LRRC4C: variants seen among roughly 807,000 people sequenced by gnomAD.
LRRC4C encodes the protein leucine-rich repeat-containing protein 4C.
Under a neutral mutation model 33.6 loss-of-function variants are expected in LRRC4C, and 5 were observed. The ratio of observed to expected loss-of-function variants is 0.15; its 90% CI spans 0.08 to 0.31. LRRC4C has a LOEUF of 0.31. Ranked by LOEUF, LRRC4C falls within the 10% of genes least tolerant of loss-of-function variation. The pLI, the probability that LRRC4C is intolerant of heterozygous loss-of-function variation, is 1.00. For synonymous variants in LRRC4C, 329 were observed against 302.0 expected (o/e 1.09, Z -0.93); for missense variants, 560 against 796.7 (o/e 0.70, Z 3.58).
intron 1 of LRRC4C, among the ~76,000 whole-genome samples, chr11:41,070,275 A>T (rs947168307): frequency 1.3e-5 from 2 of 152,128 alleles, no homozygotes; most frequent in Non-Finnish European, 2.9e-5. Flanking sequence ...CTCAAGATGG[A>T]TTAACAACTT....
intron 1 of LRRC4C, among the ~76,000 whole-genome samples, chr11:41,442,614 C>T (rs1955669470): frequency 6.6e-6 from 1 of 151,296 alleles, no homozygotes; most frequent in Non-Finnish European, 1.5e-5. Context: ...GGACTACAGG[C>T]GCCCATCACC....
rs911618469 is a variant in LRRC4C at position 40,392,510 on chromosome 11, AAAAT to A, written c.-269-72793_-269-72790del. Among the ~76,000 whole-genome samples the A allele has an allele frequency of 6.6e-4, 101 of 152,188 alleles. 1 individual carries two copies. Among genetic ancestry groups the A allele is most frequent in the South Asian group, 1.0e-3 (5 of 4,824 alleles). On this transcript the variant is annotated intron_variant, in intron 3 of 6. Transcript: ENST00000528697. ...TAAAAATAATGTCTATTAATTTTTT[AAAAT>A]AAATAAGTTATTTAATTAAAAAATT...
intron 1 of LRRC4C, among the ~76,000 whole-genome samples, chr11:41,072,914 G>A (rs948315418): frequency 6.6e-6 from 1 of 151,966 alleles, no homozygotes; most frequent in Non-Finnish European, 1.5e-5. Flanking sequence ...AATTATTTCA[G>A]GAATTTTTTA....
intron 2 of LRRC4C, among the ~76,000 whole-genome samples, chr11:40,904,695 G>A (rs184045519): frequency 1.3e-4 from 20 of 152,136 alleles, no homozygotes; most frequent in African/African-American, 4.8e-4. Flanking sequence ...TGCAGGTTAG[G>A]CACCATTCTC....
Position 40,759,074 on chromosome 11 carries a change from G to T in LRRC4C, c.-406-110796C>A, listed in dbSNP as rs149458270. 3.4e-3 allele frequency among the ~76,000 whole-genome samples: 498 copies of T among 147,422 alleles called. 5 individuals are homozygous for T. The highest frequency in any genetic ancestry group is 0.012 in the African/African-American group (469 of 40,560). ...ATTTATATGGAAGATAGTGGACACA[G>T]TTTACATATATTATTATATATATAA... On this transcript the variant is annotated intron_variant, in intron 2 of 6. Coordinates refer to ENST00000528697, the MANE Select transcript of LRRC4C (RefSeq NM_001258419.2).
chr11:40,562,915 C>T (rs1036098758), intron 3 of LRRC4C, among the ~76,000 whole-genome samples: 1 of 151,914 alleles, frequency 6.6e-6, no homozygotes, highest in Non-Finnish European at 1.5e-5. Flanking sequence ...GCTCTTTCTA[C>T]TCGATCATCA....
intron 1 of LRRC4C, among the ~76,000 whole-genome samples, chr11:41,446,914 A>G (rs2138598836): frequency 6.6e-6 from 1 of 152,318 alleles, no homozygotes; most frequent in East Asian, 1.9e-4. Context: ...TAAAGTCCTT[A>G]CAGAGTAAAG....
At chr11:40,134,769 T>C (rs61465352) in intron 6 of LRRC4C, among the ~76,000 whole-genome samples, 10,532 of 152,322 alleles carry the variant, frequency 0.069, 427 homozygotes, top group East Asian at 0.19. Flanking sequence ...CCATGATTCC[T>C]GACCTGTCAT....
At chr11:41,406,378 TC>T (rs1360877906) in intron 1 of LRRC4C, among the ~76,000 whole-genome samples, 1 of 152,188 alleles carries the variant, frequency 6.6e-6, no homozygotes, top group Non-Finnish European at 1.5e-5. Context: ...GACCTTTTTC[TC>T]TCTTGGCTTG....
chr11:41,399,470 G>T (rs1953945627), intron 1 of LRRC4C, among the ~76,000 whole-genome samples: 1 of 151,886 alleles, frequency 6.6e-6, no homozygotes, highest in South Asian at 2.1e-4. Flanking sequence ...GAGAAAAATT[G>T]CCTTTAGAAT....
chr11:40,341,249 A>T (rs1946851419), intron 3 of LRRC4C, among the ~76,000 whole-genome samples: 1 of 152,046 alleles, frequency 6.6e-6, no homozygotes, highest in Non-Finnish European at 1.5e-5. Context: ...AAAGGACATG[A>T]ACTCATCATT....
Position 41,248,209 on chromosome 11 carries a change from C to T in LRRC4C, c.-496+211222G>A, listed in dbSNP as rs116910220. Among the ~76,000 whole-genome samples, 419 of 152,278 alleles carry T rather than the reference C, an allele frequency of 2.8e-3. 6 individuals are homozygous for T. Among genetic ancestry groups the T allele is most frequent in the East Asian group, 0.014 (73 of 5,176 alleles). On this transcript the variant is annotated intron_variant, in intron 1 of 6. Transcript: ENST00000528697. Reference sequence around the variant, plus strand: ...CTTGTCCCAAGTCCTAACTTCTTTACCAATATCCATAACATTTACTGTTCC... The same window carrying T: ...CTTGTCCCAAGTCCTAACTTCTTTATCAATATCCATAACATTTACTGTTCC...
chr11:41,037,484 G>A lies in LRRC4C; in HGVS notation c.-495-103761C>T, dbSNP rs1857151991. 2.0e-5 allele frequency among the ~76,000 whole-genome samples: 3 copies of A among 151,960 alleles called. No individual in the cohort carries two copies. In the South Asian group the frequency reaches 6.2e-4, roughly 32 times the overall value. On this transcript the variant is annotated intron_variant, in intron 1 of 6. Transcript: ENST00000528697. ...CCTCCCAAAGTGTGAGATTACAGGT[G>A]TGAGCCACTGTGCCTGACCCTAGAT...
intron 1 of LRRC4C, among the ~76,000 whole-genome samples, chr11:41,219,060 C>T (rs141272157): frequency 6.6e-5 from 10 of 152,152 alleles, no homozygotes; most frequent in African/African-American, 1.4e-4. Context: ...CTTGAGCCAC[C>T]GCGCCCGGCC....
chr11:40,245,106 G>T (rs1866226827), intron 4 of LRRC4C, among the ~76,000 whole-genome samples: 1 of 152,104 alleles, frequency 6.6e-6, no homozygotes, highest in Non-Finnish European at 1.5e-5. Flanking sequence ...AACCCAGCAA[G>T]CATTTCAAAA....
chr11:40,888,598 T>C (rs529536907), intron 2 of LRRC4C, among the ~76,000 whole-genome samples: 1 of 152,078 alleles, frequency 6.6e-6, no homozygotes, highest in African/African-American at 2.4e-5. Flanking sequence ...ATCCAAGACA[T>C]CAACTTTCCC....
At chr11:41,138,538 A>G (rs1012425331) in intron 1 of LRRC4C, among the ~76,000 whole-genome samples, 2 of 152,200 alleles carry the variant, frequency 1.3e-5, no homozygotes, top group Admixed American at 6.6e-5. Flanking sequence ...ATATTGAAAG[A>G]GAAGTTAGTT....
At chr11:40,888,544 C>T (rs1592000227) in intron 2 of LRRC4C, among the ~76,000 whole-genome samples, 1 of 151,914 alleles carries the variant, frequency 6.6e-6, no homozygotes, top group African/African-American at 2.4e-5. Context: ...AAATGATTCC[C>T]ACTTATTTGG....
At chr11:40,812,067 G>GT (rs1384977412) in intron 2 of LRRC4C, among the ~76,000 whole-genome samples, 1 of 152,012 alleles carries the variant, frequency 6.6e-6, no homozygotes, top group African/African-American at 2.4e-5. Flanking sequence ...CTATTGCATT[G>GT]TAAGTACTGC....
Sources: allele counts gnomAD v4.1 joint callset (sites outside exome capture counted in the v4.1 genomes callset), GRCh38; gene constraint gnomAD v4.1.1; transcripts MANE v1.5; gene names NCBI Gene and HGNC (gene_info 2026-07-23, HGNC 2026-07-21).